The following CENPU variants were observed in gnomAD, a reference collection of about 807,000 sequenced individuals.
CENPU encodes the protein centromere protein U.
In CENPU, 46 loss-of-function variants were observed where a neutral mutation model predicts 56.7. The observed-to-expected ratio is 0.81, with a 90% CI of 0.64 to 1.04. CENPU has a LOEUF of 1.04. Among genes scored for constraint, CENPU ranks in the 50% least tolerant of loss-of-function variants. The pLI is 0.00. For missense variants in CENPU, 510 were observed against 490.1 expected (o/e 1.04, Z -0.38); for synonymous variants, 166 against 163.0 (o/e 1.02, Z -0.14).
intron 6 of CENPU, chr4:184,713,727 A>T (rs1454211968): frequency 1.3e-5 from 2 of 152,202 alleles, no homozygotes; most frequent in African/African-American, 4.8e-5. Flanking sequence ...GCAACACAAG[A>T]CTGAGTTCCT....
intron 1 of CENPU, 101 bp downstream of exon 1, chr4:184,733,915 A>G: frequency 6.6e-7 from 1 of 1,511,696 alleles, no homozygotes; most frequent in African/African-American, 1.4e-5. Context: ...CGACCTCCAC[A>G]GTGGAGCACC....
At position 184,712,171 on chromosome 4, in the gene CENPU, C is replaced by G. The variant is rs536640921; in HGVS notation, c.688+773G>C. ...GCAGCTTTATTCAAATAGCCAAAAC[C>G]TGAAAACAACTCAGTTGTCCATCAA... On this transcript the variant is annotated intron_variant, in intron 7 of 12. Transcript: ENST00000281453. Among the ~76,000 whole-genome samples the G allele has an allele frequency of 5.8e-4, 87 of 150,616 alleles. 1 individual carries two copies. The highest frequency in any genetic ancestry group is 2.0e-3 in the African/African-American group (84 of 41,026).
intron 7 of CENPU, among the ~76,000 whole-genome samples, chr4:184,712,395 C>A (rs1272525229): frequency 1.3e-5 from 2 of 152,100 alleles, no homozygotes; most frequent in Non-Finnish European, 2.9e-5. Context: ...AAAAAGCATC[C>A]CTGAAGCCAC....
intron 8 of CENPU, among the ~76,000 whole-genome samples, chr4:184,704,236 C>T (rs7694899): frequency 0.18 from 27,286 of 151,906 alleles, 2,750 homozygotes; most frequent in African/African-American, 0.27. Context: ...TATGCCACCA[C>T]GCCTAATTTT....
rs530241220 is a variant in CENPU at position 184,694,251 on chromosome 4, C to A, written c.*1037G>T. 33 of 1,147,382 alleles carry A rather than the reference C, an allele frequency of 2.9e-5. No homozygotes were observed. Among genetic ancestry groups the A allele is most frequent in the Non-Finnish European group, 3.5e-5 (33 of 931,278 alleles). The allele number at this position is 1,147,382 out of a possible 1,614,324, so 71.1% of individuals were successfully genotyped here. On this transcript the variant is annotated 3_prime_UTR_variant, in exon 13 of 13. Coordinates refer to ENST00000281453, the MANE Select transcript of CENPU (RefSeq NM_024629.4). ...TTAAAAAATTAAATCCACCCTTGCT[C>A]TTCCGTCGGGGAGTATTGAAAAGTA...
chr4:184,712,018 G>A (rs1209516518), intron 7 of CENPU, among the ~76,000 whole-genome samples: 1 of 151,672 alleles, frequency 6.6e-6, no homozygotes, highest in African/African-American at 2.4e-5. Context: ...CTACTCAGGA[G>A]GCTGAGGCAG....
At chr4:184,733,330 G>A (rs974209563) in intron 1 of CENPU, 2 of 986,098 alleles carry the variant, frequency 2.0e-6, no homozygotes, top group Non-Finnish European at 2.4e-6. Flanking sequence ...CAGGCCCGGG[G>A]GAACTCCTGT....
At chr4:184,695,978 C>A (rs1760281132) in intron 12 of CENPU, among the ~76,000 whole-genome samples, 1 of 152,022 alleles carries the variant, frequency 6.6e-6, no homozygotes, top group South Asian at 2.1e-4. Flanking sequence ...GAATACAAAC[C>A]CAACATAAAA....
Position 184,694,587 on chromosome 4 carries a change from A to AC in CENPU, c.*700dup, listed in dbSNP as rs1328792156. The AC allele has an allele frequency of 6.2e-7, 1 of 1,614,034 alleles. No homozygotes were observed. Among genetic ancestry groups the AC allele is most frequent in the Non-Finnish European group, 8.5e-7 (1 of 1,180,010 alleles). On this transcript the variant is annotated 3_prime_UTR_variant, in exon 13 of 13. Transcript: ENST00000281453. ...GCAATGAAACCCAGAATCCTCATAA[A>AC]CCATCACCTAGCAGGCTGTCAACAG...
At chr4:184,731,566 G>A (rs954458808) in intron 1 of CENPU, among the ~76,000 whole-genome samples, 1 of 152,140 alleles carries the variant, frequency 6.6e-6, no homozygotes. Context: ...GAATAAAAAC[G>A]GGAAATAACA....
intron 10 of CENPU, 42 bp downstream of exon 10, chr4:184,702,047 A>G (rs1760551107): frequency 7.8e-7 from 1 of 1,289,148 alleles, no homozygotes; most frequent in Admixed American, 1.8e-5. Context: ...CTACATTAGT[A>G]TTGTGTTTGA....
At chr4:184,713,051 T>G (rs1414084777) in intron 6 of CENPU, 38 bp from the exon 7 acceptor site, 1 of 1,333,564 alleles carries the variant, frequency 7.5e-7, no homozygotes, top group Non-Finnish European at 1.0e-6. Context: ...TAAGAAAAGT[T>G]TTCTTTCTCT....
intron 7 of CENPU, among the ~76,000 whole-genome samples, chr4:184,711,820 A>T (rs1164944474): frequency 6.6e-6 from 1 of 152,080 alleles, no homozygotes; most frequent in Admixed American, 6.5e-5. Context: ...TCGCAAAAAA[A>T]TGTGTATAAA....
intron 8 of CENPU, 134 bp downstream of exon 8, chr4:184,709,938 A>T: frequency 2.4e-6 from 1 of 415,450 alleles, no homozygotes; most frequent in East Asian, 3.6e-5. Context: ...TTAAAGAAAA[A>T]ATTATAATAA....
At chr4:184,718,162 G>A (rs573880219) in intron 4 of CENPU, among the ~76,000 whole-genome samples, 7 of 152,320 alleles carry the variant, frequency 4.6e-5, no homozygotes, top group Non-Finnish European at 1.0e-4. Flanking sequence ...GCTGGGCAGA[G>A]GCCACAGCTG....
At position 184,695,332 on chromosome 4, in the gene CENPU, G is replaced by C. The variant is rs139224993; in HGVS notation, c.1213C>G (p.Arg405Gly). 1 of 1,613,322 alleles carries C rather than the reference G, an allele frequency of 6.2e-7. No individual in the cohort carries two copies. Residue 405 changes from arginine (R) to glycine (G), a missense_variant, in exon 13 of 13, where the codon CGA becomes GGA. Physicochemically the swap from Arg to Gly is moderately radical, Grantham distance 125. Coordinates refer to ENST00000281453, the MANE Select transcript of CENPU (RefSeq NM_024629.4). ...RTLLGAESHL[R>G]NINHQLEKLL... is the part of the protein sequence containing the mutation. ...TTCTCTAACTGATGGTTGATATTTC[G>C]CAGATGGCTTTCGGCTCCCAGAAGT...
Position 184,695,182 on chromosome 4 carries a change from A to T in CENPU, c.*106T>A. ...GAATAACAAATTTTAGATTCTAAGT[A>T]GGCCATAACTTCTTTGCAAAACAAT... On this transcript the variant is annotated 3_prime_UTR_variant, in exon 13 of 13. Transcript: ENST00000281453. 1 of 741,262 alleles carries T rather than the reference A, an allele frequency of 1.3e-6. No individual in the cohort carries two copies. Among genetic ancestry groups the T allele is most frequent in the Non-Finnish European group, 2.3e-6 (1 of 428,578 alleles). The allele number at this position is 741,262 out of a possible 1,614,324, so 45.9% of individuals were successfully genotyped here. A position where few individuals can be genotyped will look rare whatever the true frequency, so the allele number is the denominator to read the frequency against.
At chr4:184,707,759 A>C (rs2150209054) in intron 8 of CENPU, among the ~76,000 whole-genome samples, 1 of 152,360 alleles carries the variant, frequency 6.6e-6, no homozygotes, top group South Asian at 2.1e-4. Context: ...GGCTGGAATA[A>C]CAGGATGCTG....
intron 8 of CENPU, among the ~76,000 whole-genome samples, chr4:184,704,803 G>A (rs1410329428): frequency 1.3e-5 from 2 of 152,126 alleles, no homozygotes; most frequent in African/African-American, 4.8e-5. Flanking sequence ...TTGCTCGAAT[G>A]GGTACAAAGC....
Sources: allele counts gnomAD v4.1 joint callset (sites outside exome capture counted in the v4.1 genomes callset), GRCh38; gene constraint gnomAD v4.1.1; transcripts MANE v1.5; gene names NCBI Gene and HGNC (gene_info 2026-07-23, HGNC 2026-07-21).